B3GALT1: variants seen among roughly 807,000 people sequenced by gnomAD.
The protein encoded by B3GALT1 is beta-1,3-galactosyltransferase 1.
B3GALT1 carries 10 observed loss-of-function variants against 23.2 expected under a neutral mutation model. That is an observed-to-expected ratio of 0.43 (90% confidence interval 0.27 to 0.73). The LOEUF (loss-of-function observed/expected upper bound fraction) is 0.73. Ranked by LOEUF, B3GALT1 falls within the 30% of genes least tolerant of loss-of-function variation. B3GALT1 has a pLI of 0.21. For synonymous variants in B3GALT1, 156 were observed against 141.5 expected (o/e 1.10, Z -0.73); for missense variants, 299 against 405.4 (o/e 0.74, Z 2.25).
chr2:167,346,728 AGTT>A (rs1339187352), intron 1 of B3GALT1, among the ~76,000 whole-genome samples: 1 of 51,636 alleles, frequency 1.9e-5, no homozygotes. Flanking sequence ...TTAATTTCTG[AGTT>A]GTTTGTGTGT....
chr2:167,622,448 T>C lies in B3GALT1; in HGVS notation c.-409-24461T>C, dbSNP rs1019133192. Among the ~76,000 whole-genome samples, 9 of 152,076 alleles carry C rather than the reference T, an allele frequency of 5.9e-5. No homozygotes were observed. In the South Asian group the frequency reaches 1.7e-3, roughly 28 times the overall value. ...CAAAAGGCAATGCCCTGAGGAAATA[T>C]ATTAAAAATCTAGGTATATGATGCC... On this transcript the variant is annotated intron_variant, in intron 2 of 4. Coordinates refer to ENST00000392690, the MANE Select transcript of B3GALT1 (RefSeq NM_020981.4).
intron 3 of B3GALT1, among the ~76,000 whole-genome samples, chr2:167,792,270 A>G (rs1218866484): frequency 6.6e-6 from 1 of 152,214 alleles, no homozygotes; most frequent in East Asian, 1.9e-4. Flanking sequence ...AAAATCAATC[A>G]CAATGTACTT....
intron 3 of B3GALT1, among the ~76,000 whole-genome samples, chr2:167,667,390 C>T (rs1391893184): frequency 6.6e-6 from 1 of 152,064 alleles, no homozygotes; most frequent in Non-Finnish European, 1.5e-5. Context: ...AACATTTTTT[C>T]CTTCATTTCA....
chr2:167,781,994 C>G (rs959564975), intron 3 of B3GALT1, among the ~76,000 whole-genome samples: 1 of 152,166 alleles, frequency 6.6e-6, no homozygotes, highest in African/African-American at 2.4e-5. Context: ...CTGCCCGCCT[C>G]GCCCTCCCAA....
chr2:167,727,707 T>A (rs1413770246), intron 3 of B3GALT1, among the ~76,000 whole-genome samples: 1 of 152,164 alleles, frequency 6.6e-6, no homozygotes, highest in Non-Finnish European at 1.5e-5. Flanking sequence ...GCAGAATTCC[T>A]CTCCTTGTTT....
At chr2:167,713,786 G>T in intron 3 of B3GALT1, 1 of 1,592,670 alleles carries the variant, frequency 6.3e-7, no homozygotes, top group South Asian at 1.1e-5. Context: ...ATGAAAGTAA[G>T]GAGGTAAACC....
At chr2:167,613,666 A>G (rs139991887) in intron 2 of B3GALT1, among the ~76,000 whole-genome samples, 42 of 151,920 alleles carry the variant, frequency 2.8e-4, no homozygotes, top group African/African-American at 9.4e-4. Flanking sequence ...GATGTTGGGA[A>G]GAAAGCCCAG....
chr2:167,698,756 ATAAC>A (rs1686825264), intron 3 of B3GALT1, among the ~76,000 whole-genome samples: 1 of 152,246 alleles, frequency 6.6e-6, no homozygotes, highest in Non-Finnish European at 1.5e-5. Flanking sequence ...GCACAATAAA[ATAAC>A]TAACAAACAA....
intron 2 of B3GALT1, among the ~76,000 whole-genome samples, chr2:167,557,143 CT>C (rs199665337): frequency 0.025 from 3,704 of 146,250 alleles, 58 homozygotes; most frequent in East Asian, 0.09. Context: ...GTACATTAGT[CT>C]TTTTTTTTTT....
At chr2:167,493,090 T>G (rs1699733804) in intron 2 of B3GALT1, among the ~76,000 whole-genome samples, 1 of 152,220 alleles carries the variant, frequency 6.6e-6, no homozygotes, top group African/African-American at 2.4e-5. Flanking sequence ...TGGCATGAAC[T>G]ACAGTGTTAC....
chr2:167,434,970 G>A (rs1250101046), intron 1 of B3GALT1, among the ~76,000 whole-genome samples: 2 of 152,008 alleles, frequency 1.3e-5, no homozygotes, highest in African/African-American at 4.8e-5. Flanking sequence ...AAATTATAAT[G>A]TAACTTACAA....
intron 1 of B3GALT1, among the ~76,000 whole-genome samples, chr2:167,345,370 C>G (rs1444663604): frequency 6.6e-6 from 1 of 152,022 alleles, no homozygotes; most frequent in African/African-American, 2.4e-5. Flanking sequence ...TGCTACTGAC[C>G]ACCCTAAAAA....
intron 3 of B3GALT1, among the ~76,000 whole-genome samples, chr2:167,732,044 A>G (rs1687418501): frequency 6.6e-6 from 1 of 152,160 alleles, no homozygotes; most frequent in South Asian, 2.1e-4. Context: ...CAGTATTACA[A>G]CCTATATAAT....
chr2:167,823,250 T>G (rs1415893977), intron 4 of B3GALT1, among the ~76,000 whole-genome samples: 5 of 152,196 alleles, frequency 3.3e-5, no homozygotes, highest in African/African-American at 9.7e-5. Flanking sequence ...CTTAGAAATT[T>G]AGGGCTTATT....
intron 1 of B3GALT1, among the ~76,000 whole-genome samples, chr2:167,373,792 C>A (rs1213370235): frequency 2.0e-5 from 3 of 152,152 alleles, no homozygotes; most frequent in African/African-American, 7.2e-5. Flanking sequence ...CTGCTGACCT[C>A]AAGTGATCCA....
At chr2:167,852,590 C>T (rs76185744) in intron 4 of B3GALT1, among the ~76,000 whole-genome samples, 1,720 of 151,586 alleles carry the variant, frequency 0.011, 29 homozygotes, top group African/African-American at 0.039. Context: ...AATCTAGAAA[C>T]ATAATGAAGT....
At chr2:167,790,099 G>A (rs968823629) in intron 3 of B3GALT1, among the ~76,000 whole-genome samples, 1 of 152,122 alleles carries the variant, frequency 6.6e-6, no homozygotes, top group Non-Finnish European at 1.5e-5. Context: ...CCCCTAGTCC[G>A]ATAAATCTTT....
intron 3 of B3GALT1, among the ~76,000 whole-genome samples, chr2:167,796,682 C>T (rs1019709838): frequency 5.9e-5 from 9 of 152,122 alleles, no homozygotes; most frequent in Admixed American, 2.6e-4. Flanking sequence ...ACCCAGGAGG[C>T]GGATGTTGCA....
At chr2:167,394,222 A>T (rs1478427543) in intron 1 of B3GALT1, among the ~76,000 whole-genome samples, 1 of 152,208 alleles carries the variant, frequency 6.6e-6, no homozygotes, top group Non-Finnish European at 1.5e-5. Flanking sequence ...AAAACTTAAA[A>T]CCAATTATGC....
Sources: allele counts gnomAD v4.1 joint callset (sites outside exome capture counted in the v4.1 genomes callset), GRCh38; gene constraint gnomAD v4.1.1; transcripts MANE v1.5; gene names NCBI Gene and HGNC (gene_info 2026-07-23, HGNC 2026-07-21).